Variants in PRKG1 observed in about 807,000 individuals in gnomAD.
The protein encoded by PRKG1 is cGMP-dependent protein kinase 1.
In PRKG1, 35 loss-of-function variants were observed where a neutral mutation model predicts 88.1. The observed-to-expected ratio is 0.40, with a 90% CI of 0.30 to 0.53. The LOEUF (loss-of-function observed/expected upper bound fraction) is 0.53. Ranked by LOEUF, PRKG1 falls within the 20% of genes least tolerant of loss-of-function variation. The probability of loss-of-function intolerance (pLI) is 0.59; values close to 1 mark genes in which losing one functional copy is unlikely to be tolerated. For synonymous variants in PRKG1, 303 were observed against 292.5 expected, an observed-to-expected ratio of 1.04 and a Z score of -0.37; for missense variants, 540 against 839.8, an observed-to-expected ratio of 0.64 and a Z score of 4.41.
At chr10:52,219,026 C>T (rs533042629) in intron 9 of PRKG1, among the ~76,000 whole-genome samples, 17 of 152,000 alleles carry the variant, frequency 1.1e-4, no homozygotes, top group African/African-American at 3.1e-4. Flanking sequence ...AAATGAAACA[C>T]AATTTAAAAA....
chr10:51,751,792 G>T (rs531873268), intron 3 of PRKG1, among the ~76,000 whole-genome samples: 1 of 151,692 alleles, frequency 6.6e-6, no homozygotes, highest in South Asian at 2.1e-4. Context: ...GTTTCCAAAA[G>T]GCCAAAATTA....
intron 3 of PRKG1, among the ~76,000 whole-genome samples, chr10:51,722,023 A>G (rs1394515882): frequency 6.6e-5 from 10 of 152,194 alleles, no homozygotes; most frequent in Admixed American, 2.6e-4. Context: ...AGAGGTCAGG[A>G]GTTCAAGACC....
chr10:51,839,218 G>T (rs771026889), intron 4 of PRKG1, among the ~76,000 whole-genome samples: 3 of 152,128 alleles, frequency 2.0e-5, no homozygotes, highest in Non-Finnish European at 4.4e-5. Flanking sequence ...GATGAAATGT[G>T]CATGGTTATT....
intron 13 of PRKG1, among the ~76,000 whole-genome samples, chr10:52,281,586 G>T (rs918914078): frequency 1.3e-5 from 2 of 151,962 alleles, no homozygotes; most frequent in African/African-American, 2.4e-5. Context: ...TTCTGCAGTC[G>T]ACACTCTTCC....
chr10:51,899,671 G>GTATATATA lies in PRKG1; in HGVS notation c.699-7819_699-7812dup, dbSNP rs57320165. 5.2e-3 allele frequency among the ~76,000 whole-genome samples: 629 copies of GTATATATA among 120,364 alleles called. 15 individuals are homozygous for GTATATATA. The highest frequency in any genetic ancestry group is 0.017 in the African/African-American group (565 of 32,992). The allele number at this position is 120,364 out of a possible 152,430, so 79.0% of individuals were successfully genotyped here. On this transcript the variant is annotated intron_variant, in intron 4 of 17. Coordinates refer to ENST00000373980, the MANE Select transcript of PRKG1 (RefSeq NM_006258.4). Reference sequence around the variant, plus strand: ...AGAGTCTGTCAAAAAAAAGAAAAATGTATATATATATATATATATATATAC... The same window carrying GTATATATA: ...AGAGTCTGTCAAAAAAAAGAAAAATGTATATATATATATATATATATATATATATATAC...
intron 5 of PRKG1, among the ~76,000 whole-genome samples, chr10:52,012,368 A>T (rs1453877698): frequency 6.6e-6 from 1 of 151,572 alleles, no homozygotes; most frequent in African/African-American, 2.4e-5. Flanking sequence ...CAGCCTCCTG[A>T]GTAGCTGGGA....
At chr10:51,927,770 C>A (rs1184613450) in intron 5 of PRKG1, among the ~76,000 whole-genome samples, 1 of 152,158 alleles carries the variant, frequency 6.6e-6, no homozygotes, top group Non-Finnish European at 1.5e-5. Context: ...TCTCTCCTTG[C>A]ACTTTTGTTA....
At chr10:51,180,701 CA>C (rs1430710776) in intron 2 of PRKG1, among the ~76,000 whole-genome samples, 3 of 152,162 alleles carry the variant, frequency 2.0e-5, no homozygotes, top group Non-Finnish European at 4.4e-5. Context: ...GGTCTGCATA[CA>C]AACAGCTGCT....
At chr10:51,816,201 C>G (rs1479591604) in intron 4 of PRKG1, among the ~76,000 whole-genome samples, 1 of 152,104 alleles carries the variant, frequency 6.6e-6, no homozygotes, top group Non-Finnish European at 1.5e-5. Flanking sequence ...CAGATAAGCC[C>G]TGTTTAGTCC....
chr10:51,735,405 C>T (rs1381527965), intron 3 of PRKG1, among the ~76,000 whole-genome samples: 2 of 151,914 alleles, frequency 1.3e-5, no homozygotes, highest in Admixed American at 6.6e-5. Context: ...ATTAGTTTTG[C>T]CTTTTGTGGG....
intron 2 of PRKG1, among the ~76,000 whole-genome samples, chr10:51,157,739 A>G (rs1314386420): frequency 6.6e-6 from 1 of 151,816 alleles, no homozygotes; most frequent in African/African-American, 2.4e-5. Context: ...TAAAATGGCA[A>G]GTGTCTGTTT....
chr10:51,918,822 T>C (rs1842399663), intron 5 of PRKG1, among the ~76,000 whole-genome samples: 1 of 150,336 alleles, frequency 6.7e-6, no homozygotes, highest in Non-Finnish European at 1.5e-5. Context: ...ATTAGATAAA[T>C]TGCCCTGACC....
intron 1 of PRKG1, among the ~76,000 whole-genome samples, chr10:51,079,127 G>T (rs1844042201): frequency 6.6e-6 from 1 of 152,104 alleles, no homozygotes; most frequent in Admixed American, 6.5e-5. Context: ...TTCCAAAAGT[G>T]CCCTACATCT....
Position 51,952,297 on chromosome 10 carries a change from T to A in PRKG1, c.762+44727T>A, listed in dbSNP as rs561201634. Among the ~76,000 whole-genome samples the A allele has an allele frequency of 1.2e-4, 18 of 152,304 alleles. No individual in the cohort carries two copies. In the South Asian group the frequency reaches 3.7e-3, roughly 32 times the overall value. On this transcript the variant is annotated intron_variant, in intron 5 of 17. Coordinates refer to ENST00000373980, the MANE Select transcript of PRKG1 (RefSeq NM_006258.4). ...GAGCAAAGGCCTGGACATTTGTATT[T>A]TTTGTTAAGTATCCAAATGTGCATT...
At chr10:51,424,984 A>G (rs1463082959) in intron 2 of PRKG1, among the ~76,000 whole-genome samples, 2 of 152,050 alleles carry the variant, frequency 1.3e-5, no homozygotes, top group Non-Finnish European at 2.9e-5. Context: ...AAATCTTCTG[A>G]ACAGAATACA....
At chr10:52,225,091 A>C (rs1386911978) in intron 9 of PRKG1, among the ~76,000 whole-genome samples, 5 of 152,048 alleles carry the variant, frequency 3.3e-5, no homozygotes, top group Admixed American at 3.3e-4. Flanking sequence ...ACTAGTCTAC[A>C]TTCCCACCAA....
chr10:51,904,293 G>A (rs1842040831), intron 4 of PRKG1, among the ~76,000 whole-genome samples: 2 of 152,080 alleles, frequency 1.3e-5, no homozygotes, highest in African/African-American at 4.8e-5. Flanking sequence ...TTATCTGGAA[G>A]TTTGTCCTTG....
chr10:52,125,420 A>T (rs145959300), intron 7 of PRKG1, among the ~76,000 whole-genome samples: 14 of 152,236 alleles, frequency 9.2e-5, no homozygotes, highest in African/African-American at 3.4e-4. Context: ...GTCTGTCCTA[A>T]TTGCTGAATG....
At chr10:51,751,040 A>G (rs1012888376) in intron 3 of PRKG1, among the ~76,000 whole-genome samples, 1 of 152,116 alleles carries the variant, frequency 6.6e-6, no homozygotes, top group Non-Finnish European at 1.5e-5. Flanking sequence ...TAAAGAGAGA[A>G]TTTTAGATTA....
Sources: gnomAD v4.1 joint callset for allele counts (sites outside exome capture counted in the v4.1 genomes callset) on GRCh38, gnomAD v4.1.1 for gene constraint, MANE v1.5 for transcripts, NCBI Gene and HGNC (gene_info 2026-07-23, HGNC 2026-07-21) for gene names.